CENPP: variants seen among roughly 807,000 people sequenced by gnomAD.
CENPP encodes the protein centromere protein P.
Under a neutral mutation model 35.6 loss-of-function variants are expected in CENPP, and 24 were observed. The observed-to-expected ratio is 0.67, with a 90% CI of 0.49 to 0.95. The LOEUF is 0.95. CENPP is among the 40% of genes least tolerant of loss of function. The pLI, the probability that CENPP is intolerant of heterozygous loss-of-function variation, is 0.00. For synonymous variants in CENPP, 120 were observed against 125.5 expected (o/e 0.96, Z 0.29); for missense variants, 332 against 345.3 (o/e 0.96, Z 0.31).
At chr9:92,522,657 A>T in intron 5 of CENPP, 1 of 1,614,104 alleles carries the variant, frequency 6.2e-7, no homozygotes, top group Non-Finnish European at 8.5e-7. Context: ...AATCAAAGTT[A>T]ACAATAGGAA....
intron 5 of CENPP, chr9:92,482,282 A>G (rs940871087): frequency 6.6e-6 from 1 of 152,242 alleles, no homozygotes; most frequent in Non-Finnish European, 1.5e-5. Flanking sequence ...TAAGATAGAC[A>G]TGAAACATAC....
At chr9:92,467,180 A>G (rs1845346134) in intron 5 of CENPP, among the ~76,000 whole-genome samples, 1 of 152,210 alleles carries the variant, frequency 6.6e-6, no homozygotes, top group South Asian at 2.1e-4. Flanking sequence ...GCAATAAGAC[A>G]GCATCCTCCA....
rs62574664 is a variant in CENPP at position 92,599,794 on chromosome 9, G to T, written c.565-11520G>T. Among the ~76,000 whole-genome samples the T allele has an allele frequency of 6.1e-3, 932 of 152,220 alleles. 5 individuals carry two copies. The highest frequency in any genetic ancestry group is 8.8e-3 in the Non-Finnish European group (600 of 68,012). On this transcript the variant is annotated intron_variant, in intron 5 of 7. Transcript: ENST00000375587. ...AAGAGAAAGCACTATTAAAAGTATG[G>T]TGTAGCTCCCACTAGATGTTTCTCC...
At chr9:92,574,255 G>A (rs928707826) in intron 5 of CENPP, among the ~76,000 whole-genome samples, 5 of 151,954 alleles carry the variant, frequency 3.3e-5, no homozygotes, top group Admixed American at 1.3e-4. Context: ...GTAACTATAG[G>A]CTGTCTACAA....
At chr9:92,328,156 A>T (rs766570764) in intron 1 of CENPP, among the ~76,000 whole-genome samples, 6 of 152,108 alleles carry the variant, frequency 3.9e-5, no homozygotes, top group Non-Finnish European at 7.3e-5. Flanking sequence ...TAGATTATTT[A>T]TATAATCTGG....
rs529943662 is a variant in CENPP at position 92,500,660 on chromosome 9, A to G, written c.565-110654A>G. The G allele has an allele frequency of 1.5e-5, 22 of 1,459,732 alleles. No individual in the cohort carries two copies. The South Asian group carries it at 2.9e-4, about 19-fold the overall frequency. The allele number at this position is 1,459,732 out of a possible 1,614,324, so 90.4% of individuals were successfully genotyped here. On this transcript the variant is annotated intron_variant, in intron 5 of 7. Coordinates refer to ENST00000375587, the MANE Select transcript of CENPP (RefSeq NM_001012267.3). ...TAACGTAAATCCCAGAGATCATGTC[A>G]TGGTTGTTTTATCATATATTTTGCC...
chr9:92,551,946 T>TG lies in CENPP; in HGVS notation c.565-59368_565-59367insG, dbSNP rs1380338093. Among the ~76,000 whole-genome samples the TG allele has an allele frequency of 3.2e-3, 395 of 122,638 alleles. 53 individuals carry two copies. Among genetic ancestry groups the TG allele is most frequent in the African/African-American group, 0.013 (331 of 25,790 alleles). 80.5% of individuals were successfully genotyped at this position (122,638 alleles called of 152,430 possible). Reference sequence around the variant, plus strand: ...GTGTGTATATATATATATATATATATATATATGATATATATATGTGTGATA... The same window carrying TG: ...GTGTGTATATATATATATATATATATGATATATGATATATATATGTGTGATA... On this transcript the variant is annotated intron_variant, in intron 5 of 7. Coordinates refer to ENST00000375587, the MANE Select transcript of CENPP (RefSeq NM_001012267.3).
At chr9:92,592,168 C>T (rs1332085543) in intron 5 of CENPP, among the ~76,000 whole-genome samples, 1 of 151,856 alleles carries the variant, frequency 6.6e-6, no homozygotes, top group Non-Finnish European at 1.5e-5. Context: ...ATACATTTAT[C>T]ATGGATATAT....
intron 5 of CENPP, among the ~76,000 whole-genome samples, chr9:92,564,514 G>A (rs534294244): frequency 1.6e-4 from 24 of 152,326 alleles, no homozygotes; most frequent in African/African-American, 5.8e-4. Flanking sequence ...TTAGTTGGAT[G>A]TAGGGAAAAG....
chr9:92,342,531 C>T (rs1344134203), intron 3 of CENPP, among the ~76,000 whole-genome samples: 1 of 152,060 alleles, frequency 6.6e-6, no homozygotes, highest in Admixed American at 6.5e-5. Flanking sequence ...AGAGTGTGTT[C>T]TCCCTGGCTG....
chr9:92,554,794 C>T (rs1445308511), intron 5 of CENPP, among the ~76,000 whole-genome samples: 5 of 152,140 alleles, frequency 3.3e-5, no homozygotes, highest in Admixed American at 2.0e-4. Context: ...CCTGCCACTG[C>T]GCCCGGCTTA....
At chr9:92,416,870 C>T (rs1235208657) in intron 5 of CENPP, 2 of 1,613,908 alleles carry the variant, frequency 1.2e-6, no homozygotes, top group South Asian at 2.2e-5. Context: ...AGAAGGCAAA[C>T]CAGGAGGCAT....
At chr9:92,540,770 C>CAAAA (rs34768785) in intron 5 of CENPP, among the ~76,000 whole-genome samples, 1 of 142,080 alleles carries the variant, frequency 7.0e-6, no homozygotes, top group South Asian at 2.3e-4. Flanking sequence ...GACTCTGTCT[C>CAAAA]AAAAAAAAAA....
chr9:92,383,823 G>C (rs1002404393), intron 5 of CENPP: 4 of 151,490 alleles, frequency 2.6e-5, no homozygotes, highest in African/African-American at 9.7e-5. Context: ...CTTAATTTGA[G>C]AGTTATTTGA....
chr9:92,444,943 A>G (rs1844514047), intron 5 of CENPP, among the ~76,000 whole-genome samples: 2 of 152,110 alleles, frequency 1.3e-5, no homozygotes, highest in African/African-American at 4.8e-5. Context: ...CCAACAGACC[A>G]AACAGTGGTC....
At chr9:92,524,748 A>G (rs1201877458) in intron 5 of CENPP, among the ~76,000 whole-genome samples, 1 of 152,222 alleles carries the variant, frequency 6.6e-6, no homozygotes, top group Non-Finnish European at 1.5e-5. Flanking sequence ...TGCCGCTGTT[A>G]TCTTTTTAAT....
chr9:92,560,741 A>G (rs2131341304), intron 5 of CENPP, among the ~76,000 whole-genome samples: 1 of 152,052 alleles, frequency 6.6e-6, no homozygotes, highest in East Asian at 1.9e-4. Flanking sequence ...CCATGTATTC[A>G]CCTTCCATTT....
chr9:92,432,186 G>A (rs545405673), intron 5 of CENPP, among the ~76,000 whole-genome samples: 18 of 152,176 alleles, frequency 1.2e-4, no homozygotes, highest in African/African-American at 4.3e-4. Context: ...TTAGCTGGGC[G>A]TGGTGATGGG....
At chr9:92,455,099 A>G (rs988832966) in intron 5 of CENPP, among the ~76,000 whole-genome samples, 1 of 152,316 alleles carries the variant, frequency 6.6e-6, no homozygotes, top group South Asian at 2.1e-4. Context: ...TGTCAAAACT[A>G]TAGAGGTAGA....
Sources: allele counts gnomAD v4.1 joint callset (sites outside exome capture counted in the v4.1 genomes callset), GRCh38; gene constraint gnomAD v4.1.1; transcripts MANE v1.5; gene names NCBI Gene and HGNC (gene_info 2026-07-23, HGNC 2026-07-21).